The following CNBD1 variants were observed in gnomAD, a reference collection of about 807,000 sequenced individuals.
CNBD1 encodes the protein cyclic nucleotide-binding domain-containing protein 1.
CNBD1 carries 71 observed loss-of-function variants against 54.4 expected under a neutral mutation model. The ratio of observed to expected loss-of-function variants is 1.30; its 90% CI spans 1.08 to 1.59. The LOEUF is 1.59. CNBD1 is among the 40% of genes most tolerant of loss of function. The probability of loss-of-function intolerance (pLI) is 0.00; values close to 1 mark genes in which losing one functional copy is unlikely to be tolerated. For synonymous variants in CNBD1, 182 were observed against 170.7 expected, an observed-to-expected ratio of 1.07 and a Z score of -0.51; for missense variants, 659 against 518.0, an observed-to-expected ratio of 1.27 and a Z score of -2.64.
At chr8:86,872,148 G>A (rs1808451482) in intron 1 of CNBD1, among the ~76,000 whole-genome samples, 1 of 152,114 alleles carries the variant, frequency 6.6e-6, no homozygotes, top group African/African-American at 2.4e-5. Context: ...AACAGAGCTG[G>A]AGAGTTATCA....
chr8:87,309,562 C>T (rs1288926648), intron 8 of CNBD1, among the ~76,000 whole-genome samples: 2 of 152,074 alleles, frequency 1.3e-5, no homozygotes, highest in Admixed American at 6.6e-5. Context: ...AAATTGACTC[C>T]TGCTCAAGAC....
At chr8:87,003,799 G>A (rs1011566067) in intron 4 of CNBD1, among the ~76,000 whole-genome samples, 5 of 152,174 alleles carry the variant, frequency 3.3e-5, no homozygotes, top group African/African-American at 7.2e-5. Context: ...GTAACAGTGG[G>A]CTGGATCACA....
At chr8:87,091,587 A>G (rs1186960379) in intron 4 of CNBD1, among the ~76,000 whole-genome samples, 1 of 152,208 alleles carries the variant, frequency 6.6e-6, no homozygotes, top group Non-Finnish European at 1.5e-5. Flanking sequence ...TCAATAGCTC[A>G]GCAAACAAAT....
intron 6 of CNBD1, among the ~76,000 whole-genome samples, chr8:87,257,414 A>G (rs965662920): frequency 1.3e-5 from 2 of 150,084 alleles, no homozygotes; most frequent in African/African-American, 4.9e-5. Flanking sequence ...AAATTTCTTT[A>G]TAAATGTTTA....
At chr8:87,245,691 C>T (rs7000721) in intron 6 of CNBD1, among the ~76,000 whole-genome samples, 92,754 of 151,626 alleles carry the variant, frequency 0.61, 28,643 homozygotes, top group Middle Eastern at 0.67. Context: ...TTCTGTGAAG[C>T]GCCTGATATT....
chr8:86,963,218 G>C (rs1304532508), intron 4 of CNBD1, among the ~76,000 whole-genome samples: 1 of 152,244 alleles, frequency 6.6e-6, no homozygotes, highest in South Asian at 2.1e-4. Context: ...AGGCATAGCT[G>C]ACAGGCATGC....
intron 4 of CNBD1, among the ~76,000 whole-genome samples, chr8:87,138,837 A>C (rs965868852): frequency 6.6e-6 from 1 of 152,230 alleles, no homozygotes. Context: ...TAAAGGATTC[A>C]CGATAAAGCC....
intron 10 of CNBD1, among the ~76,000 whole-genome samples, chr8:87,376,738 T>A (rs1233960735): frequency 1.3e-5 from 2 of 151,934 alleles, no homozygotes; most frequent in Non-Finnish European, 2.9e-5. Context: ...ATTAAACCCA[T>A]TTTATAGGTA....
At chr8:87,020,700 T>C (rs1809470519) in intron 4 of CNBD1, among the ~76,000 whole-genome samples, 2 of 152,172 alleles carry the variant, frequency 1.3e-5, no homozygotes, top group African/African-American at 4.8e-5. Context: ...CCAAAATATA[T>C]TTCCTTGCCA....
At chr8:87,215,523 GC>G (rs1814190678) in intron 5 of CNBD1, among the ~76,000 whole-genome samples, 1 of 151,060 alleles carries the variant, frequency 6.6e-6, no homozygotes, top group Non-Finnish European at 1.5e-5. Context: ...GGGAGGCGGA[GC>G]TTGCAGTAAG....
At chr8:87,356,207 T>C (rs1263121324) in intron 10 of CNBD1, among the ~76,000 whole-genome samples, 1 of 152,128 alleles carries the variant, frequency 6.6e-6, no homozygotes, top group Non-Finnish European at 1.5e-5. Flanking sequence ...ACGTGGGGTG[T>C]TGCTATAAAG....
intron 4 of CNBD1, among the ~76,000 whole-genome samples, chr8:87,024,880 T>G (rs1283098833): frequency 2.0e-5 from 3 of 152,204 alleles, no homozygotes; most frequent in Non-Finnish European, 4.4e-5. Flanking sequence ...AACTGTTTTT[T>G]GAGAATAAAA....
At chr8:86,975,760 G>A (rs1808327329) in intron 4 of CNBD1, among the ~76,000 whole-genome samples, 1 of 151,848 alleles carries the variant, frequency 6.6e-6, no homozygotes, top group South Asian at 2.1e-4. Context: ...TGGGATTGCT[G>A]GGTCAAATAA....
chr8:87,206,624 T>G (rs902950206), intron 5 of CNBD1, among the ~76,000 whole-genome samples: 2 of 152,158 alleles, frequency 1.3e-5, no homozygotes, highest in Non-Finnish European at 2.9e-5. Flanking sequence ...AACCCAGATA[T>G]AGGGAAAAAA....
chr8:87,394,812 C>A (rs958297015), intron 2 of CNBD1, among the ~76,000 whole-genome samples: 1 of 151,724 alleles, frequency 6.6e-6, no homozygotes, highest in African/African-American at 2.4e-5. Context: ...AATTTTATGG[C>A]TCTTTTTCTG....
chr8:87,378,578 C>T (rs533921519), intron 10 of CNBD1, among the ~76,000 whole-genome samples: 25 of 149,990 alleles, frequency 1.7e-4, no homozygotes, highest in Admixed American at 8.6e-4. Context: ...AGTTTGAAGT[C>T]AGGTAGTGTG....
intron 10 of CNBD1, among the ~76,000 whole-genome samples, chr8:87,358,399 C>A (rs1050725292): frequency 6.6e-6 from 1 of 152,064 alleles, no homozygotes; most frequent in Admixed American, 6.6e-5. Flanking sequence ...TAATTACTAA[C>A]CACCAATTAA....
rs183831585 is a variant in CNBD1 at position 87,041,595 on chromosome 8, G to A, written c.431+101841G>A. 2.6e-5 allele frequency among the ~76,000 whole-genome samples: 4 copies of A among 152,226 alleles called. No homozygotes were observed. In the East Asian group the frequency reaches 5.8e-4, roughly 22 times the overall value. On this transcript the variant is annotated intron_variant, in intron 4 of 10. Transcript: ENST00000518476. ...AGGCGGATCATGAGGTCAGGAGATC[G>A]AGACCATCCTGGCTAACACGGTGAA...
Position 86,866,444 on chromosome 8 carries a change from C to T in CNBD1, c.-52C>T. The T allele has an allele frequency of 2.3e-6, 3 of 1,302,510 alleles. No homozygotes were observed. The highest frequency in any genetic ancestry group is 2.2e-6 in the Non-Finnish European group (2 of 912,030). 80.7% of individuals were successfully genotyped at this position (1,302,510 alleles called of 1,614,324 possible). ...TATGAGCCTGCAGGCAAAGAGTGATCATTTGCCTCTCAAGCAGCCTCTGGT... is the reference window on the plus strand; with the variant it reads ...TATGAGCCTGCAGGCAAAGAGTGATTATTTGCCTCTCAAGCAGCCTCTGGT... On this transcript the variant is annotated 5_prime_UTR_variant, in exon 1 of 11. Transcript: ENST00000518476.
Sources: gnomAD v4.1 joint callset for allele counts (sites outside exome capture counted in the v4.1 genomes callset) on GRCh38, gnomAD v4.1.1 for gene constraint, MANE v1.5 for transcripts, NCBI Gene and HGNC (gene_info 2026-07-23, HGNC 2026-07-21) for gene names.